Variants in TANGO6 observed in about 807,000 individuals in gnomAD.
TANGO6 encodes the protein transport and golgi organization 6 homolog, also known as transport and Golgi organization protein 6 homolog.
A neutral mutation model predicts 114.2 loss-of-function variants in TANGO6; 90 were observed. That is an observed-to-expected ratio of 0.79 (90% CI 0.66 to 0.94). The LOEUF (loss-of-function observed/expected upper bound fraction) is 0.94. Ranked by LOEUF, TANGO6 falls within the 40% of genes least tolerant of loss-of-function variation. The probability of loss-of-function intolerance (pLI) is 0.00; values close to 1 mark genes in which losing one functional copy is unlikely to be tolerated. For missense variants in TANGO6, 1,274 were observed against 1,315.3 expected (o/e 0.97, Z 0.49); for synonymous variants, 477 against 509.8 (o/e 0.94, Z 0.87).
At chr16:68,962,453 A>G (rs775585756) in intron 14 of TANGO6, among the ~76,000 whole-genome samples, 1 of 152,064 alleles carries the variant, frequency 6.6e-6, no homozygotes, top group African/African-American at 2.4e-5. Context: ...ATTAATATAC[A>G]TTTTCATATC....
intron 15 of TANGO6, among the ~76,000 whole-genome samples, chr16:68,980,759 G>A (rs1258053944): frequency 1.3e-5 from 2 of 152,044 alleles, no homozygotes; most frequent in Non-Finnish European, 2.9e-5. Context: ...AGCACTTTGG[G>A]AGGCCGAGGT....
At chr16:68,870,384 G>A (rs1448468825) in intron 4 of TANGO6, among the ~76,000 whole-genome samples, 2 of 152,160 alleles carry the variant, frequency 1.3e-5, no homozygotes, top group Non-Finnish European at 2.9e-5. Context: ...TTGGTCTAGA[G>A]TGGCTATAAT....
chr16:68,927,174 G>T (rs149799514), intron 12 of TANGO6, among the ~76,000 whole-genome samples: 1 of 152,126 alleles, frequency 6.6e-6, no homozygotes, highest in Non-Finnish European at 1.5e-5. Context: ...GGGAGACTGC[G>T]TAGGGTATTG....
At chr16:68,977,007 A>G (rs938140213) in intron 15 of TANGO6, among the ~76,000 whole-genome samples, 2 of 152,206 alleles carry the variant, frequency 1.3e-5, no homozygotes, top group African/African-American at 2.4e-5. Flanking sequence ...TCTGTGAGCT[A>G]TAGTAAAACT....
intron 3 of TANGO6, among the ~76,000 whole-genome samples, chr16:68,866,151 C>T (rs1567527041): frequency 6.6e-6 from 1 of 151,800 alleles, no homozygotes; most frequent in Non-Finnish European, 1.5e-5. Flanking sequence ...ATTGCTGATG[C>T]GTTTGTCTGT....
chr16:68,986,250 G>T (rs201258591), intron 15 of TANGO6, among the ~76,000 whole-genome samples: 1 of 152,288 alleles, frequency 6.6e-6, no homozygotes, highest in East Asian at 1.9e-4. Context: ...GCTTTTAGGA[G>T]AGATCAGGAA....
At chr16:68,874,746 G>A (rs1481771919) in intron 4 of TANGO6, among the ~76,000 whole-genome samples, 1 of 152,090 alleles carries the variant, frequency 6.6e-6, no homozygotes, top group Non-Finnish European at 1.5e-5. Flanking sequence ...TCAGAAGTTC[G>A]AGACCAGCCT....
chr16:68,936,961 T>C (rs1368530648), intron 14 of TANGO6, among the ~76,000 whole-genome samples: 3 of 152,136 alleles, frequency 2.0e-5, no homozygotes, highest in Non-Finnish European at 2.9e-5. Flanking sequence ...CTTTCATTTC[T>C]GGCAAAAGAG....
chr16:68,982,668 C>T (rs1191315467), intron 15 of TANGO6, among the ~76,000 whole-genome samples: 1 of 96,966 alleles, frequency 1.0e-5, no homozygotes, highest in African/African-American at 5.9e-5. Flanking sequence ...GACAGGGGCT[C>T]ACTATGTTGC....
intron 11 of TANGO6, among the ~76,000 whole-genome samples, chr16:68,914,452 G>A (rs970398848): frequency 1.3e-5 from 2 of 152,170 alleles, no homozygotes; most frequent in South Asian, 2.1e-4. Context: ...ATGACCCACC[G>A]CGCCTGGACT....
chr16:68,976,404 T>A lies in TANGO6; in HGVS notation c.2842+2236T>A, dbSNP rs570032850. 3.3e-5 allele frequency among the ~76,000 whole-genome samples: 5 copies of A among 152,342 alleles called. No individual in the cohort carries two copies. In the East Asian group the frequency reaches 9.6e-4, roughly 29 times the overall value. ...GATTAAAAATGAAGGAAAACAAATA[T>A]TTTTTGCTGTTTATTGAGTGCTCAT... On this transcript the variant is annotated intron_variant, in intron 15 of 17. Transcript: ENST00000261778.
chr16:68,866,044 C>T (rs1181198868), intron 3 of TANGO6, among the ~76,000 whole-genome samples: 1 of 152,140 alleles, frequency 6.6e-6, no homozygotes, highest in Non-Finnish European at 1.5e-5. Context: ...TGGCAAATAA[C>T]GTTCATAAGA....
chr16:68,974,618 GCCACTGTGCT>G (rs1963743144), intron 15 of TANGO6, among the ~76,000 whole-genome samples: 1 of 152,038 alleles, frequency 6.6e-6, no homozygotes. Flanking sequence ...TCGAGATCGC[GCCACTGTGCT>G]CCAGCCTGGG....
chr16:68,924,234 T>C (rs1963136308), intron 12 of TANGO6, among the ~76,000 whole-genome samples: 1 of 152,236 alleles, frequency 6.6e-6, no homozygotes, highest in South Asian at 2.1e-4. Context: ...TGGAATTGTC[T>C]TCATTGTGCT....
intron 1 of TANGO6, among the ~76,000 whole-genome samples, chr16:68,857,216 T>G (rs571826368): frequency 1.6e-4 from 25 of 152,324 alleles, no homozygotes; most frequent in African/African-American, 6.0e-4. Flanking sequence ...TAGTTTTGCC[T>G]CCTCCAGAAT....
intron 17 of TANGO6, among the ~76,000 whole-genome samples, chr16:69,061,909 G>C (rs1402908516): frequency 1.3e-5 from 2 of 151,722 alleles, no homozygotes. Flanking sequence ...GTCCCAGCTA[G>C]TCAGGAGGCT....
intron 14 of TANGO6, among the ~76,000 whole-genome samples, chr16:68,940,528 T>C (rs1963341882): frequency 6.6e-6 from 1 of 150,768 alleles, no homozygotes; most frequent in African/African-American, 2.5e-5. Context: ...GCCTGGACAA[T>C]GTCCACTTCT....
chr16:69,063,383 G>A (rs1157838154), intron 17 of TANGO6, among the ~76,000 whole-genome samples: 3 of 151,960 alleles, frequency 2.0e-5, no homozygotes, highest in Admixed American at 2.0e-4. Context: ...AAATTAGCCG[G>A]GCGTGATGGC....
At chr16:68,973,550 A>G (rs1451464018) in intron 14 of TANGO6, among the ~76,000 whole-genome samples, 1 of 152,134 alleles carries the variant, frequency 6.6e-6, no homozygotes, top group East Asian at 1.9e-4. Context: ...TGTGGATAGG[A>G]GAGAGGATCA....
Sources: gnomAD v4.1 joint callset for allele counts (sites outside exome capture counted in the v4.1 genomes callset) on GRCh38, gnomAD v4.1.1 for gene constraint, MANE v1.5 for transcripts, NCBI Gene and HGNC (gene_info 2026-07-23, HGNC 2026-07-21) for gene names.